Variants in RBFOX1 observed in about 807,000 individuals in gnomAD.
RBFOX1 encodes the protein RNA binding protein fox-1 homolog 1.
RBFOX1 carries 8 observed loss-of-function variants against 57.7 expected under a neutral mutation model. The ratio of observed to expected loss-of-function variants is 0.14; its 90% CI spans 0.08 to 0.25. RBFOX1 has a LOEUF of 0.25. RBFOX1 is among the 10% of genes least tolerant of loss of function. RBFOX1 has a pLI of 1.00. For missense variants in RBFOX1, 611 were observed against 548.5 expected, an observed-to-expected ratio of 1.11 and a Z score of -1.14; for synonymous variants, 326 against 222.4, an observed-to-expected ratio of 1.47 and a Z score of -4.15.
chr16:5,896,954 A>AC (rs980494062), intron 4 of RBFOX1, among the ~76,000 whole-genome samples: 2 of 132,964 alleles, frequency 1.5e-5, no homozygotes, highest in African/African-American at 5.7e-5. Context: ...AAGCTACGTT[A>AC]CCCCCGCTAT....
chr16:5,516,174 G>C (rs1241078104), intron 2 of RBFOX1, among the ~76,000 whole-genome samples: 1 of 152,216 alleles, frequency 6.6e-6, no homozygotes, highest in African/African-American at 2.4e-5. Flanking sequence ...CCTCCAAAGG[G>C]AGTCAAGCTT....
At chr16:7,355,706 G>T (rs1030110683) in intron 4 of RBFOX1, among the ~76,000 whole-genome samples, 1 of 152,180 alleles carries the variant, frequency 6.6e-6, no homozygotes, top group African/African-American at 2.4e-5. Context: ...TTGCCCTTCA[G>T]CAAATGGCTT....
At chr16:6,367,250 GTTTGTTTGT>G (rs750968714) in intron 2 of RBFOX1, among the ~76,000 whole-genome samples, 13 of 146,138 alleles carry the variant, frequency 8.9e-5, no homozygotes, top group African/African-American at 1.3e-4. Context: ...GATTTTCTTT[GTTTGTTTGT>G]TTTGTTTTGT....
chr16:5,344,443 TAC>T (rs1362968697), intron 1 of RBFOX1, among the ~76,000 whole-genome samples: 1 of 152,214 alleles, frequency 6.6e-6, no homozygotes, highest in Non-Finnish European at 1.5e-5. Context: ...TCAATTGAAT[TAC>T]ACTCACTGGA....
intron 11 of RBFOX1, among the ~76,000 whole-genome samples, chr16:7,632,424 C>T (rs1282036239): frequency 6.6e-6 from 1 of 152,172 alleles, no homozygotes; most frequent in African/African-American, 2.4e-5. Flanking sequence ...CATGTCCAGC[C>T]TTGTGTATTC....
intron 3 of RBFOX1, among the ~76,000 whole-genome samples, chr16:6,855,447 C>T (rs189291473): frequency 1.3e-5 from 2 of 151,928 alleles, no homozygotes; most frequent in African/African-American, 2.4e-5. Flanking sequence ...GTCAGGAGAT[C>T]GAGACCATCC....
At position 5,886,166 on chromosome 16, in the gene RBFOX1, T is replaced by C. The variant is rs187857015; in HGVS notation, c.351+18831T>C. Among the ~76,000 whole-genome samples, 368 of 152,300 alleles carry C rather than the reference T, an allele frequency of 2.4e-3. 1 individual carries two copies. Among genetic ancestry groups the C allele is most frequent in the African/African-American group, 8.5e-3 (354 of 41,554 alleles). ...TACAGCTTGTGGAACTGCCAGTCAA[T>C]TAAGCCTCTATTCTTCATAAATTCC... is the stretch of plus-strand genomic sequence containing the variant. On this transcript the variant is annotated intron_variant, in intron 4 of 19. Transcript: ENST00000641259.
intron 3 of RBFOX1, among the ~76,000 whole-genome samples, chr16:7,007,428 A>G (rs1357919156): frequency 1.3e-5 from 2 of 152,172 alleles, no homozygotes; most frequent in Admixed American, 1.3e-4. Flanking sequence ...AATAATCCAG[A>G]GTCATCTCCG....
At chr16:6,750,182 G>T (rs903234510) in intron 3 of RBFOX1, among the ~76,000 whole-genome samples, 1 of 152,136 alleles carries the variant, frequency 6.6e-6, no homozygotes, top group Non-Finnish European at 1.5e-5. Flanking sequence ...TGCAGGAGAA[G>T]GAAAAAGAAA....
chr16:7,367,353 A>T (rs1434896810), intron 4 of RBFOX1, among the ~76,000 whole-genome samples: 1 of 152,204 alleles, frequency 6.6e-6, no homozygotes, highest in Non-Finnish European at 1.5e-5. Context: ...AGCTGCACAG[A>T]ATCAGGTGTA....
At chr16:7,638,539 C>G (rs1031969858) in intron 11 of RBFOX1, among the ~76,000 whole-genome samples, 2 of 152,198 alleles carry the variant, frequency 1.3e-5, no homozygotes, top group Admixed American at 6.5e-5. Flanking sequence ...GTGCTGTCTC[C>G]TCCCCATCCC....
chr16:6,791,538 C>T (rs1412203696), intron 3 of RBFOX1, among the ~76,000 whole-genome samples: 3 of 152,254 alleles, frequency 2.0e-5, no homozygotes, highest in South Asian at 4.2e-4. Context: ...GTGGGTGGAT[C>T]TCTTGAGGTC....
At chr16:6,412,210 A>G (rs1353467414) in intron 2 of RBFOX1, among the ~76,000 whole-genome samples, 4 of 152,136 alleles carry the variant, frequency 2.6e-5, no homozygotes, top group Non-Finnish European at 2.9e-5. Flanking sequence ...GGTAATTTCC[A>G]TATTATACGA....
intron 3 of RBFOX1, among the ~76,000 whole-genome samples, chr16:6,928,796 A>AC: frequency 6.6e-6 from 1 of 152,288 alleles, no homozygotes; most frequent in South Asian, 2.1e-4. Context: ...CTATGAAAAG[A>AC]CATATGCACA....
intron 3 of RBFOX1, among the ~76,000 whole-genome samples, chr16:6,978,415 CATG>C (rs1202580990): frequency 6.6e-6 from 1 of 152,170 alleles, no homozygotes; most frequent in Non-Finnish European, 1.5e-5. Context: ...TCACCGAACA[CATG>C]ATATCTGGAA....
At chr16:5,369,530 C>G (rs947172835) in intron 1 of RBFOX1, among the ~76,000 whole-genome samples, 15 of 152,236 alleles carry the variant, frequency 9.9e-5, no homozygotes, top group African/African-American at 3.4e-4. Flanking sequence ...GTGGTACATG[C>G]TGCTATCCTC....
intron 3 of RBFOX1, among the ~76,000 whole-genome samples, chr16:7,005,129 A>T (rs914762312): frequency 3.9e-5 from 6 of 152,186 alleles, no homozygotes; most frequent in Admixed American, 6.6e-5. Flanking sequence ...GGGTGACAAG[A>T]GCGAGATTCC....
intron 13 of RBFOX1, among the ~76,000 whole-genome samples, chr16:7,670,595 A>G (rs2071076585): frequency 6.6e-6 from 1 of 152,180 alleles, no homozygotes; most frequent in Non-Finnish European, 1.5e-5. Context: ...TAAGCAGTGA[A>G]CTAGGAGCGA....
chr16:5,534,390 TAGTGGCTC>T (rs1438303997), intron 2 of RBFOX1, among the ~76,000 whole-genome samples: 1 of 152,130 alleles, frequency 6.6e-6, no homozygotes, highest in Admixed American at 6.5e-5. Flanking sequence ...AGGAAGCCAA[TAGTGGCTC>T]AGTCCGAGTC....
Sources: gnomAD v4.1 joint callset for allele counts (sites outside exome capture counted in the v4.1 genomes callset) on GRCh38, gnomAD v4.1.1 for gene constraint, MANE v1.5 for transcripts, NCBI Gene and HGNC (gene_info 2026-07-23, HGNC 2026-07-21) for gene names.